The following VWA2 variants were observed in gnomAD, a reference collection of about 807,000 sequenced individuals.
VWA2 encodes the protein von Willebrand factor A domain containing 2.
Under a neutral mutation model 70.4 loss-of-function variants are expected in VWA2, and 73 were observed. The observed-to-expected ratio is 1.04, with a 90% confidence interval of 0.86 to 1.26. The LOEUF is 1.26. Ranked by LOEUF, VWA2 falls within the 50% of genes most tolerant of loss-of-function variation. The pLI, the probability that VWA2 is intolerant of heterozygous loss-of-function variation, is 0.00. For missense variants in VWA2, 1,011 were observed against 998.5 expected (o/e 1.01, Z -0.17); for synonymous variants, 407 against 423.3 (o/e 0.96, Z 0.47).
chr10:114,285,079 A>T (rs1166562377), intron 10 of VWA2, 109 bp downstream of exon 10: 2 of 831,012 alleles, frequency 2.4e-6, no homozygotes, highest in Non-Finnish European at 3.6e-6. Flanking sequence ...TGGCCCTTGA[A>T]CCATCTGCTT....
At chr10:114,276,698 T>C (rs1387323306) in intron 6 of VWA2, among the ~76,000 whole-genome samples, 2 of 138,810 alleles carry the variant, frequency 1.4e-5, no homozygotes, top group Non-Finnish European at 3.1e-5. Context: ...TTTTTTTTTT[T>C]TGTAGAGACA....
At chr10:114,289,628 AC>A in intron 12 of VWA2, 139 bp downstream of exon 12, 1 of 929,238 alleles carries the variant, frequency 1.1e-6, no homozygotes, top group Non-Finnish European at 1.7e-6. Context: ...TCTGTGCTAA[AC>A]CCCATGCTCA....
chr10:114,257,597 A>G (rs1187890979), intron 4 of VWA2, among the ~76,000 whole-genome samples: 1 of 152,222 alleles, frequency 6.6e-6, no homozygotes, highest in Non-Finnish European at 1.5e-5. Flanking sequence ...GACTCAGCCC[A>G]GGACTTGCTC....
intron 8 of VWA2, among the ~76,000 whole-genome samples, chr10:114,281,936 A>T (rs897496647): frequency 1.3e-5 from 2 of 152,048 alleles, no homozygotes; most frequent in African/African-American, 4.8e-5. Flanking sequence ...AAAGTAACTT[A>T]TAATAAAAAG....
At chr10:114,278,689 C>G (rs1370819645) in intron 7 of VWA2, 30 bp from the exon 8 acceptor site, 2 of 1,610,840 alleles carry the variant, frequency 1.2e-6, no homozygotes, top group Non-Finnish European at 1.7e-6. Context: ...CTGTCTCCTC[C>G]GTGGGTGTGG....
At position 114,285,985 on chromosome 10, in the gene VWA2, G is replaced by A; in HGVS notation, c.1044G>A (p.Leu348=). 1 of 1,612,606 alleles carries A rather than the reference G, an allele frequency of 6.2e-7. No homozygotes were observed. The highest frequency in any genetic ancestry group is 8.5e-7 in the Non-Finnish European group (1 of 1,178,962). The change falls in exon 11 of 14, where the codon CTG becomes CTA. Residue 348 remains leucine, a synonymous_variant. Transcript: ENST00000392982. ...LECRVDLLFL[L]DSSAGTTLDG... ...GCAGGGTCGACCTCCTCTTCCTGCT[G>A]GACAGCTCTGCGGGCACCACTCTGG... is the stretch of plus-strand genomic sequence containing the variant.
chr10:114,246,595 T>C, intron 1 of VWA2: 1 of 1,363,616 alleles, frequency 7.3e-7, no homozygotes. Flanking sequence ...TTTAAGACTG[T>C]TGAAGCATAA....
chr10:114,273,853 T>C (rs977040674), intron 6 of VWA2, among the ~76,000 whole-genome samples: 3 of 152,288 alleles, frequency 2.0e-5, no homozygotes, highest in Middle Eastern at 3.4e-3. Context: ...AATAAATAAA[T>C]ACATAATATA....
chr10:114,254,076 T>C (rs1394123453), intron 3 of VWA2, among the ~76,000 whole-genome samples: 1 of 151,666 alleles, frequency 6.6e-6, no homozygotes, highest in Admixed American at 6.6e-5. Context: ...AAACCTTTTT[T>C]TGTTTTGTTT....
At position 114,255,128 on chromosome 10, in the gene VWA2, G is replaced by T. The variant is rs923621786; in HGVS notation, c.261+80G>T. The T allele has an allele frequency of 1.2e-5, 18 of 1,554,012 alleles. No homozygotes were observed. The African/African-American group carries it at 2.3e-4, about 20-fold the overall frequency. ...AGAAACCCGGTCTCAAGCAGAGGAG[G>T]CATCTACTCGCTTGTGGAGCTGGGA... On this transcript the variant is annotated intron_variant, in intron 4 of 13. Coordinates refer to ENST00000392982, the MANE Select transcript of VWA2 (RefSeq NM_001272046.2).
chr10:114,283,837 G>A (rs541495038), intron 9 of VWA2, among the ~76,000 whole-genome samples: 42 of 152,330 alleles, frequency 2.8e-4, no homozygotes, highest in African/African-American at 7.7e-4. Flanking sequence ...CAGCCCCAGC[G>A]AAGTGCCTAG....
intron 12 of VWA2, chr10:114,289,744 C>T (rs1300089779): frequency 1.8e-6 from 1 of 544,440 alleles, no homozygotes; most frequent in Non-Finnish European, 3.3e-6. Flanking sequence ...TATGCATTCC[C>T]TTTAAACAGA....
intron 9 of VWA2, 88 bp downstream of exon 9, chr10:114,282,659 A>AGGG: frequency 8.3e-7 from 1 of 1,212,008 alleles, no homozygotes. Flanking sequence ...CCTGGGACAG[A>AGGG]GGGTGGGGTT....
chr10:114,262,025 A>C (rs1296189284), intron 5 of VWA2, among the ~76,000 whole-genome samples: 1 of 152,012 alleles, frequency 6.6e-6, no homozygotes, highest in African/African-American at 2.4e-5. Context: ...AAACAACCAG[A>C]TCTTATGTGA....
chr10:114,263,178 G>A (rs1687391210), intron 5 of VWA2, among the ~76,000 whole-genome samples: 1 of 152,004 alleles, frequency 6.6e-6, no homozygotes, highest in Non-Finnish European at 1.5e-5. Flanking sequence ...ACCACACTGG[G>A]CTAATTTTTC....
intron 4 of VWA2, among the ~76,000 whole-genome samples, chr10:114,260,545 T>G (rs958914093): frequency 6.6e-6 from 1 of 152,102 alleles, no homozygotes; most frequent in Non-Finnish European, 1.5e-5. Flanking sequence ...GAGTTATCAG[T>G]GATGGTGGCT....
At chr10:114,281,886 G>T in intron 8 of VWA2, 2 of 280,814 alleles carry the variant, frequency 7.1e-6, no homozygotes, top group Non-Finnish European at 1.1e-5. Flanking sequence ...CAGTTGCCCA[G>T]TTCCCAATAT....
chr10:114,269,053 G>A (rs913564625), intron 5 of VWA2, among the ~76,000 whole-genome samples: 1 of 152,168 alleles, frequency 6.6e-6, no homozygotes, highest in Non-Finnish European at 1.5e-5. Flanking sequence ...GTCAAGCCAT[G>A]GGGAATCTCA....
chr10:114,266,151 G>C (rs559389432), intron 5 of VWA2, among the ~76,000 whole-genome samples: 6 of 152,170 alleles, frequency 3.9e-5, no homozygotes, highest in Admixed American at 3.9e-4. Flanking sequence ...CAAAAAATTA[G>C]CCGGGCGTGG....
Sources: gnomAD v4.1 joint callset for allele counts (sites outside exome capture counted in the v4.1 genomes callset) on GRCh38, gnomAD v4.1.1 for gene constraint, MANE v1.5 for transcripts, NCBI Gene and HGNC (gene_info 2026-07-23, HGNC 2026-07-21) for gene names.